The following NEK11 variants were observed in gnomAD, a reference collection of about 807,000 sequenced individuals.
The protein encoded by NEK11 is NIMA related kinase 11, also known as serine/threonine-protein kinase Nek11.
NEK11 carries 72 observed loss-of-function variants against 80.7 expected under a neutral mutation model. That is an observed-to-expected ratio of 0.89 (90% CI 0.74 to 1.08). The LOEUF (loss-of-function observed/expected upper bound fraction) is 1.08, where lower values mean the gene tolerates loss of function less well. Ranked by LOEUF, NEK11 falls within the 50% of genes least tolerant of loss-of-function variation. The pLI is 0.00. For synonymous variants in NEK11, 251 were observed against 260.7 expected (o/e 0.96, Z 0.36); for missense variants, 764 against 763.6 (o/e 1.00, Z -0.01).
At chr3:131,126,602 T>C (rs1198895636) in intron 5 of NEK11, among the ~76,000 whole-genome samples, 1 of 152,210 alleles carries the variant, frequency 6.6e-6, no homozygotes, top group East Asian at 1.9e-4. Context: ...TAAGGTAATG[T>C]CTTTTCTTTC....
chr3:131,304,267 G>T (rs2096697833), intron 17 of NEK11, among the ~76,000 whole-genome samples: 1 of 152,134 alleles, frequency 6.6e-6, no homozygotes, highest in South Asian at 2.1e-4. Flanking sequence ...GATCAGTTTG[G>T]TCCTTTCTTA....
At chr3:131,343,074 A>G (rs2097310289) in intron 17 of NEK11, among the ~76,000 whole-genome samples, 1 of 151,944 alleles carries the variant, frequency 6.6e-6, no homozygotes, top group African/African-American at 2.4e-5. Flanking sequence ...AGCAACAAAC[A>G]TAACTCTTTC....
chr3:131,168,994 G>A lies in NEK11; in HGVS notation c.1284+57G>A, dbSNP rs2092483909. ...TGAGGCAGGTTTAATGATATCCAGA[G>A]AACAAAGGGGAAAGAAAATGGGAAG... On this transcript the variant is annotated intron_variant, in intron 13 of 17. Transcript: ENST00000383366. The A allele has an allele frequency of 2.7e-5, 35 of 1,305,426 alleles. No individual in the cohort carries two copies. In the South Asian group the frequency reaches 4.4e-4, roughly 16 times the overall value. 80.9% of individuals were successfully genotyped at this position (1,305,426 alleles called of 1,614,324 possible).
At chr3:131,234,899 G>A (rs2095405237) in intron 15 of NEK11, among the ~76,000 whole-genome samples, 1 of 151,734 alleles carries the variant, frequency 6.6e-6, no homozygotes, top group South Asian at 2.1e-4. Flanking sequence ...CTTTGTAGGA[G>A]GCTTAGTCAT....
chr3:131,175,175 A>T (rs763795916), intron 14 of NEK11: 133 of 914,180 alleles, frequency 1.5e-4, no homozygotes, highest in Non-Finnish European at 1.7e-4. Flanking sequence ...TTAAAAAGAA[A>T]ACCTCTACTC....
chr3:131,330,659 T>A (rs1469425733), intron 17 of NEK11: 1 of 152,198 alleles, frequency 6.6e-6, no homozygotes, highest in East Asian at 1.9e-4. Flanking sequence ...ATTTTTCAGT[T>A]TTTTGGTGAT....
chr3:131,071,324 A>G (rs1421638150), intron 3 of NEK11, among the ~76,000 whole-genome samples: 3 of 151,984 alleles, frequency 2.0e-5, no homozygotes, highest in Non-Finnish European at 4.4e-5. Flanking sequence ...TGTAAAGTGT[A>G]TTTTCTTTTT....
chr3:131,193,945 A>G (rs1204572366), intron 14 of NEK11, among the ~76,000 whole-genome samples: 1 of 152,208 alleles, frequency 6.6e-6, no homozygotes, highest in African/African-American at 2.4e-5. Flanking sequence ...ATTTTGTGTT[A>G]CTTGTCAACT....
intron 4 of NEK11, among the ~76,000 whole-genome samples, chr3:131,101,102 A>G (rs182370408): frequency 4.1e-4 from 62 of 152,014 alleles, no homozygotes; most frequent in Admixed American, 2.5e-3. Flanking sequence ...GTCATTTCTG[A>G]TTATGCTTAT....
chr3:131,308,779 GC>G, intron 17 of NEK11, among the ~76,000 whole-genome samples: 1 of 152,068 alleles, frequency 6.6e-6, no homozygotes, highest in East Asian at 1.9e-4. Context: ...ATCATCTAAC[GC>G]AGCTGTCCCT....
At chr3:131,094,714 A>G (rs543650262) in intron 4 of NEK11, among the ~76,000 whole-genome samples, 7 of 152,144 alleles carry the variant, frequency 4.6e-5, no homozygotes, top group Non-Finnish European at 1.0e-4. Context: ...CTATTCATTG[A>G]AGGTAGGAAT....
chr3:131,214,505 A>C (rs1219946637), intron 14 of NEK11, among the ~76,000 whole-genome samples: 1 of 152,224 alleles, frequency 6.6e-6, no homozygotes, highest in African/African-American at 2.4e-5. Flanking sequence ...GGGAGAAAAG[A>C]CAAATGTTAC....
At chr3:131,155,281 A>G (rs2090454653) in intron 10 of NEK11, among the ~76,000 whole-genome samples, 160 bp downstream of exon 10, 1 of 152,228 alleles carries the variant, frequency 6.6e-6, no homozygotes, top group South Asian at 2.1e-4. Flanking sequence ...GGTGTTCCAA[A>G]GCCCTTTACC....
chr3:131,326,430 C>T (rs532954039), intron 17 of NEK11, among the ~76,000 whole-genome samples: 64 of 152,318 alleles, frequency 4.2e-4, no homozygotes, highest in Admixed American at 1.6e-3. Context: ...TTAGGCTCCA[C>T]CCACCACAGT....
At chr3:131,163,144 A>T (rs1056659291) in intron 11 of NEK11, among the ~76,000 whole-genome samples, 1 of 152,234 alleles carries the variant, frequency 6.6e-6, no homozygotes, top group Non-Finnish European at 1.5e-5. Context: ...GTGAGAATGT[A>T]AATCAGTACA....
At chr3:131,062,051 A>G (rs1284889822) in intron 3 of NEK11, among the ~76,000 whole-genome samples, 1 of 152,232 alleles carries the variant, frequency 6.6e-6, no homozygotes, top group East Asian at 1.9e-4. Context: ...CAAGTAAAAC[A>G]AGTAAAAAAC....
intron 4 of NEK11, chr3:131,092,672 A>G (rs1482691756): frequency 2.6e-5 from 4 of 152,236 alleles, no homozygotes; most frequent in Non-Finnish European, 5.9e-5. Flanking sequence ...TTTGCAATAG[A>G]GTCAGCTATA....
intron 3 of NEK11, 143 bp downstream of exon 3, chr3:131,030,021 C>T: frequency 4.2e-6 from 3 of 716,994 alleles, no homozygotes; most frequent in Non-Finnish European, 7.0e-6. Context: ...TGGCAGATCA[C>T]TTGAGGCGAG....
intron 14 of NEK11, among the ~76,000 whole-genome samples, chr3:131,207,496 T>G (rs1365419446): frequency 6.6e-6 from 1 of 151,824 alleles, no homozygotes; most frequent in Non-Finnish European, 1.5e-5. Context: ...GGCAGGAGAA[T>G]GGCATGAACC....
Sources: gnomAD v4.1 joint callset for allele counts (sites outside exome capture counted in the v4.1 genomes callset) on GRCh38, gnomAD v4.1.1 for gene constraint, MANE v1.5 for transcripts, NCBI Gene and HGNC (gene_info 2026-07-23, HGNC 2026-07-21) for gene names.